CLASP2: variants seen among roughly 807,000 people sequenced by gnomAD.
CLASP2 encodes the protein CLIP-associating protein 2.
A neutral mutation model predicts 194.4 loss-of-function variants in CLASP2; 47 were observed. The ratio of observed to expected loss-of-function variants is 0.24; its 90% CI spans 0.19 to 0.31. CLASP2 has a LOEUF of 0.31. Ranked by LOEUF, CLASP2 falls within the 10% of genes least tolerant of loss-of-function variation. The pLI, the probability that CLASP2 is intolerant of heterozygous loss-of-function variation, is 1.00. For missense variants in CLASP2, 1,445 were observed against 1,823.6 expected, an observed-to-expected ratio of 0.79 and a Z score of 3.78; for synonymous variants, 619 against 633.5, an observed-to-expected ratio of 0.98 and a Z score of 0.34.
rs2075490888 is a variant in CLASP2, at chr3:33,613,097, ACT to A, written c.1318-1028_1318-1027del. 2.0e-5 allele frequency among the ~76,000 whole-genome samples: 3 copies of A among 152,336 alleles called. No individual in the cohort carries two copies. In the East Asian group the frequency reaches 5.8e-4, roughly 29 times the overall value. On this transcript the variant is annotated intron_variant, in intron 12 of 38. Transcript: ENST00000682230. Reference sequence around the variant, plus strand: ...TAATTCCCTATTACCCTAATTTGACACTGACACATGTGAATGCATTAAAATAT... The same window carrying A: ...TAATTCCCTATTACCCTAATTTGACAGACACATGTGAATGCATTAAAATAT...
chr3:33,533,045 A>G (rs972748580), intron 34 of CLASP2, among the ~76,000 whole-genome samples: 6 of 152,218 alleles, frequency 3.9e-5, no homozygotes, highest in African/African-American at 9.6e-5. Context: ...TAAAAAATAC[A>G]TATTTATAGT....
chr3:33,557,103 A>G (rs1333912912), intron 29 of CLASP2, among the ~76,000 whole-genome samples: 1 of 151,230 alleles, frequency 6.6e-6, no homozygotes, highest in Non-Finnish European at 1.5e-5. Context: ...CCTCCCGAGT[A>G]GCTGGGACTA....
In CLASP2 at chr3:33,559,395, G is replaced by C. The variant is rs1285721036; in HGVS notation, c.2931-10C>G. ...ATTTGGAAAAGACTCTCTGAAACAA[G>C]AACAAAGCAAAACGAAACAAAAATT... On this transcript the variant is annotated splice_polypyrimidine_tract_variant and intron_variant, in intron 28 of 38. Coordinates refer to ENST00000682230, the MANE Select transcript of CLASP2 (RefSeq NM_001365631.1). 6.4e-7 allele frequency: 1 copy of C among 1,557,240 alleles called. No individual in the cohort carries two copies. Among genetic ancestry groups the C allele is most frequent in the Non-Finnish European group, 8.8e-7 (1 of 1,142,674 alleles).
intron 29 of CLASP2, among the ~76,000 whole-genome samples, chr3:33,551,830 A>T (rs557683295): frequency 1.3e-5 from 2 of 152,322 alleles, no homozygotes; most frequent in African/African-American, 4.8e-5. Context: ...CTAGCCTCAC[A>T]GGGAGCTAGT....
At chr3:33,526,744 A>C (rs1331764351) in intron 34 of CLASP2, among the ~76,000 whole-genome samples, 1 of 152,204 alleles carries the variant, frequency 6.6e-6, no homozygotes, top group Non-Finnish European at 1.5e-5. Context: ...AACAATCCTC[A>C]AGAAAAGTAA....
intron 10 of CLASP2, among the ~76,000 whole-genome samples, chr3:33,625,323 G>A (rs936814243): frequency 2.6e-5 from 4 of 151,558 alleles, no homozygotes; most frequent in African/African-American, 7.3e-5. Flanking sequence ...ATGTACCCTA[G>A]AACTTAAAGT....
At chr3:33,584,721 C>G (rs1027528070) in intron 22 of CLASP2, 29 bp downstream of exon 22, 1 of 1,493,530 alleles carries the variant, frequency 6.7e-7, no homozygotes, top group Non-Finnish European at 8.9e-7. Flanking sequence ...GGTTACATGT[C>G]TCACATAAAA....
chr3:33,712,225 A>G (rs1000764451), intron 1 of CLASP2, among the ~76,000 whole-genome samples: 1 of 152,222 alleles, frequency 6.6e-6, no homozygotes, highest in Non-Finnish European at 1.5e-5. Context: ...AACTTGGATG[A>G]GCTGGAGGCC....
At chr3:33,600,048 A>G (rs1012256554) in intron 18 of CLASP2, among the ~76,000 whole-genome samples, 26 of 152,128 alleles carry the variant, frequency 1.7e-4, no homozygotes, top group African/African-American at 4.6e-4. Context: ...AAAATAATAG[A>G]TATTCAATGT....
intron 1 of CLASP2, among the ~76,000 whole-genome samples, chr3:33,716,828 TAG>T (rs753319766): frequency 6.6e-6 from 1 of 152,220 alleles, no homozygotes; most frequent in Non-Finnish European, 1.5e-5. Flanking sequence ...GTCATAATTC[TAG>T]AGTTTGTCTT....
intron 29 of CLASP2, chr3:33,558,772 A>C (rs2061354416): frequency 6.5e-6 from 1 of 153,874 alleles, no homozygotes; most frequent in Non-Finnish European, 1.4e-5. Flanking sequence ...AATTTTGCTT[A>C]GTTAATACAT....
intron 30 of CLASP2, among the ~76,000 whole-genome samples, chr3:33,550,112 G>A (rs1308037663): frequency 1.3e-5 from 2 of 151,852 alleles, no homozygotes; most frequent in Non-Finnish European, 2.9e-5. Context: ...AATATAAGAT[G>A]CAAGAAACAG....
chr3:33,699,743 T>C (rs2092235167), intron 1 of CLASP2, among the ~76,000 whole-genome samples: 1 of 151,930 alleles, frequency 6.6e-6, no homozygotes, highest in African/African-American at 2.4e-5. Context: ...ACCATAACAA[T>C]ATACTATAAC....
rs1381234361 is a variant in CLASP2 at position 33,496,550 on chromosome 3, T to A, written c.*2081A>T. On this transcript the variant is annotated 3_prime_UTR_variant, in exon 39 of 39. Coordinates refer to ENST00000682230, the MANE Select transcript of CLASP2 (RefSeq NM_001365631.1). ...TTCATTTGGACACATTAAACCATAC[T>A]TTTCCATTATGTAGTTAATTCATTT... The A allele has an allele frequency of 1.3e-5, 2 of 152,198 alleles. No homozygotes were observed. The highest frequency in any genetic ancestry group is 3.8e-4 in the East Asian group (2 of 5,202). The allele number at this position is 152,198 out of a possible 1,614,324, so 9.4% of individuals were successfully genotyped here.
intron 7 of CLASP2, chr3:33,645,426 C>A: frequency 2.7e-6 from 2 of 738,844 alleles, no homozygotes; most frequent in South Asian, 1.4e-5. Context: ...AAGACAGAAA[C>A]AACCACAGAA....
chr3:33,565,086 A>G (rs2062456319), intron 27 of CLASP2, among the ~76,000 whole-genome samples: 1 of 152,192 alleles, frequency 6.6e-6, no homozygotes, highest in African/African-American at 2.4e-5. Context: ...AGCCTACTCA[A>G]GGTGAAGATG....
chr3:33,585,671 T>C (rs111949214), intron 21 of CLASP2, among the ~76,000 whole-genome samples: 3,724 of 152,250 alleles, frequency 0.024, 138 homozygotes, highest in African/African-American at 0.084. Flanking sequence ...CTGGTGCACC[T>C]GTCACCCGAA....
rs375875840 is a variant in CLASP2, at chr3:33,630,600, G to A, written c.942+1692C>T. Among the ~76,000 whole-genome samples, 7 of 152,048 alleles carry A rather than the reference G, an allele frequency of 4.6e-5. No individual in the cohort carries two copies. The South Asian group carries it at 6.2e-4, about 14-fold the overall frequency. On this transcript the variant is annotated intron_variant, in intron 9 of 38. Coordinates refer to ENST00000682230, the MANE Select transcript of CLASP2 (RefSeq NM_001365631.1). ...TCTAATCAAGGCAAGAACATTGAAC[G>A]GACTCTTTAAAAATGGGGTTAAAGA...
chr3:33,531,126 A>T (rs960558376), intron 34 of CLASP2, among the ~76,000 whole-genome samples: 1 of 152,180 alleles, frequency 6.6e-6, no homozygotes, highest in Non-Finnish European at 1.5e-5. Flanking sequence ...TGGCATAAAG[A>T]CAGACACATA....
Sources: gnomAD v4.1 joint callset for allele counts (sites outside exome capture counted in the v4.1 genomes callset) on GRCh38, gnomAD v4.1.1 for gene constraint, MANE v1.5 for transcripts, NCBI Gene and HGNC (gene_info 2026-07-23, HGNC 2026-07-21) for gene names.